Variants in SLC24A2 observed in about 807,000 individuals in gnomAD.
SLC24A2 encodes solute carrier family 24 member 2, also known as sodium/potassium/calcium exchanger 2.
A neutral mutation model predicts 62.0 loss-of-function variants in SLC24A2; 36 were observed. The ratio of observed to expected loss-of-function variants is 0.58; its 90% CI spans 0.44 to 0.77. The LOEUF (loss-of-function observed/expected upper bound fraction) is 0.77, where lower values mean the gene tolerates loss of function less well. Among genes scored for constraint, SLC24A2 ranks in the 30% least tolerant of loss-of-function variants. The probability of loss-of-function intolerance (pLI) is 0.00; values close to 1 mark genes in which losing one functional copy is unlikely to be tolerated. For missense variants in SLC24A2, 846 were observed against 817.9 expected, an observed-to-expected ratio of 1.03 and a Z score of -0.42; for synonymous variants, 358 against 294.0, an observed-to-expected ratio of 1.22 and a Z score of -2.23.
intron 2 of SLC24A2, among the ~76,000 whole-genome samples, chr9:19,674,723 T>A (rs1587134599): frequency 6.6e-6 from 1 of 152,240 alleles, no homozygotes; most frequent in East Asian, 1.9e-4. Flanking sequence ...TGATTTTTAA[T>A]GCTATCTATT....
chr9:19,946,042 T>C, the SLC24A2 span, among the ~76,000 whole-genome samples: 2 of 152,150 alleles, frequency 1.3e-5, no homozygotes, highest in Non-Finnish European at 2.9e-5. Context: ...ACTTTAGAAA[T>C]GTTCAAGTTT....
chr9:19,628,250 T>C (rs1453059284), intron 2 of SLC24A2, among the ~76,000 whole-genome samples: 1 of 152,196 alleles, frequency 6.6e-6, no homozygotes, highest in Non-Finnish European at 1.5e-5. Flanking sequence ...GCTCCTCAGC[T>C]GCTTGTGTCA....
intron 2 of SLC24A2, among the ~76,000 whole-genome samples, chr9:19,726,930 G>A (rs1821189101): frequency 6.6e-6 from 1 of 152,062 alleles, no homozygotes; most frequent in Non-Finnish European, 1.5e-5. Context: ...TCAGAAAGAT[G>A]GTATTTTATT....
the SLC24A2 span, among the ~76,000 whole-genome samples, chr9:20,274,045 T>A: frequency 3.3e-5 from 5 of 152,218 alleles, no homozygotes; most frequent in Non-Finnish European, 7.3e-5. Flanking sequence ...CTGATGTATG[T>A]CTCCACTCAT....
chr9:19,944,759 T>C, the SLC24A2 span, among the ~76,000 whole-genome samples: 2 of 53,694 alleles, frequency 3.7e-5, no homozygotes, highest in African/African-American at 9.9e-5. Context: ...TGGAGGTGAA[T>C]TGGAACTTAA....
At chr9:19,941,144 G>C in the SLC24A2 span, among the ~76,000 whole-genome samples, 15 of 152,156 alleles carry the variant, frequency 9.9e-5, no homozygotes, top group Non-Finnish European at 1.8e-4. Flanking sequence ...AAAAAGAACA[G>C]AGTATCAGTC....
At chr9:20,005,965 G>T in the SLC24A2 span, among the ~76,000 whole-genome samples, 1 of 150,992 alleles carries the variant, frequency 6.6e-6, no homozygotes, top group Non-Finnish European at 1.5e-5. Flanking sequence ...CAGCATATCA[G>T]TACCTCCTTT....
the SLC24A2 span, among the ~76,000 whole-genome samples, chr9:19,801,707 G>C: frequency 6.6e-6 from 1 of 152,204 alleles, no homozygotes; most frequent in East Asian, 1.9e-4. Flanking sequence ...TGACTGGTCA[G>C]GTGTGAGCTA....
At chr9:19,750,214 T>C (rs566835105) in intron 2 of SLC24A2, among the ~76,000 whole-genome samples, 6 of 152,256 alleles carry the variant, frequency 3.9e-5, no homozygotes, top group African/African-American at 7.2e-5. Flanking sequence ...TCACTGGGAA[T>C]ACCAGAAAGG....
rs150010936 is a variant in SLC24A2, at chr9:19,745,564, G to A, written c.930+40373C>T. On this transcript the variant is annotated intron_variant, in intron 2 of 10. Transcript: ENST00000341998. ...CTATGCGTTGATAAGCATCCAAGGC[G>A]ATTGTGATGGCTGCAAGTTTCAGAA... Among the ~76,000 whole-genome samples, 197 of 152,194 alleles carry A rather than the reference G, an allele frequency of 1.3e-3. 2 individuals carry two copies. The highest frequency in any genetic ancestry group is 4.6e-3 in the African/African-American group (191 of 41,520).
intron 2 of SLC24A2, among the ~76,000 whole-genome samples, chr9:19,689,554 G>A (rs1235024279): frequency 6.6e-6 from 1 of 152,060 alleles, no homozygotes; most frequent in Non-Finnish European, 1.5e-5. Context: ...CAGTTTGCAG[G>A]GAATAAATGC....
chr9:20,082,457 G>A, the SLC24A2 span, among the ~76,000 whole-genome samples: 14,401 of 152,214 alleles, frequency 0.095, 1,297 homozygotes, highest in African/African-American at 0.24. Context: ...TATTCAAGGT[G>A]GCGGATTTGC....
At chr9:19,763,882 G>T (rs559969717) in intron 2 of SLC24A2, among the ~76,000 whole-genome samples, 2 of 152,300 alleles carry the variant, frequency 1.3e-5, no homozygotes, top group South Asian at 4.1e-4. Flanking sequence ...GTTTCAGAAG[G>T]AATGATACCA....
chr9:20,041,622 A>C, the SLC24A2 span, among the ~76,000 whole-genome samples: 2 of 152,228 alleles, frequency 1.3e-5, no homozygotes, highest in Non-Finnish European at 2.9e-5. Context: ...ACATGGACCC[A>C]ACCCAACAAA....
the SLC24A2 span, among the ~76,000 whole-genome samples, chr9:19,795,200 A>T: frequency 6.6e-6 from 1 of 152,180 alleles, no homozygotes; most frequent in Non-Finnish European, 1.5e-5. Flanking sequence ...CAGTATGTAC[A>T]TATGTGGTGG....
chr9:20,260,845 C>CTTTTTTTTTTTTTTTTTTT, the SLC24A2 span, among the ~76,000 whole-genome samples: 7 of 110,512 alleles, frequency 6.3e-5, 1 homozygote, highest in East Asian at 3.6e-4. Flanking sequence ...ACGTATCATT[C>CTTTTTTTTTTTTTTTTTTT]TTTCTTTTTT....
chr9:20,279,559 G>A, the SLC24A2 span, among the ~76,000 whole-genome samples: 3 of 152,058 alleles, frequency 2.0e-5, no homozygotes, highest in Admixed American at 1.3e-4. Context: ...TAAAAATAAA[G>A]GCTATTTTTT....
At chr9:19,925,126 AC>A in the SLC24A2 span, among the ~76,000 whole-genome samples, 1 of 152,192 alleles carries the variant, frequency 6.6e-6, no homozygotes, top group Non-Finnish European at 1.5e-5. Context: ...ATAACTGGTG[AC>A]CCCACAGACC....
chr9:20,170,548 A>G, the SLC24A2 span, among the ~76,000 whole-genome samples: 1 of 151,824 alleles, frequency 6.6e-6, no homozygotes, highest in Non-Finnish European at 1.5e-5. Context: ...GTTTTGGGGG[A>G]AAAATGGGTG....
Sources: gnomAD v4.1 joint callset for allele counts (sites outside exome capture counted in the v4.1 genomes callset) on GRCh38, gnomAD v4.1.1 for gene constraint, MANE v1.5 for transcripts, NCBI Gene and HGNC (gene_info 2026-07-23, HGNC 2026-07-21) for gene names.